DIP2C: variants seen among roughly 807,000 people sequenced by gnomAD.
DIP2C encodes disco-interacting protein 2 homolog C.
Under a neutral mutation model 192.4 loss-of-function variants are expected in DIP2C, and 33 were observed. The ratio of observed to expected loss-of-function variants is 0.17; its 90% CI spans 0.13 to 0.23. The LOEUF (loss-of-function observed/expected upper bound fraction) is 0.23. DIP2C is among the 10% of genes least tolerant of loss of function. DIP2C has a pLI of 1.00. For synonymous variants in DIP2C, 979 were observed against 864.1 expected, an observed-to-expected ratio of 1.13 and a Z score of -2.33; for missense variants, 1,537 against 2,110.1, an observed-to-expected ratio of 0.73 and a Z score of 5.32.
intron 1 of DIP2C, among the ~76,000 whole-genome samples, chr10:600,113 G>C (rs564390473): frequency 6.6e-6 from 1 of 152,264 alleles, no homozygotes; most frequent in African/African-American, 2.4e-5. Context: ...TGTATTTATG[G>C]GCACACAGAG....
chr10:494,092 A>G (rs1360840963), intron 1 of DIP2C, among the ~76,000 whole-genome samples: 1 of 152,254 alleles, frequency 6.6e-6, no homozygotes. Flanking sequence ...AGAGTGGTCT[A>G]TCCCGAGTGC....
At position 502,136 on chromosome 10, in the gene DIP2C, T is replaced by G. The variant is rs77028051; in HGVS notation, c.86-15606A>C. Among the ~76,000 whole-genome samples, 278 of 152,308 alleles carry G rather than the reference T, an allele frequency of 1.8e-3. 2 individuals are homozygous for G. The highest frequency in any genetic ancestry group is 3.1e-3 in the Non-Finnish European group (214 of 68,032). On this transcript the variant is annotated intron_variant, in intron 1 of 36. Coordinates refer to ENST00000280886, the MANE Select transcript of DIP2C (RefSeq NM_014974.3). ...ACTCCAGCATGGGTGATAGTGACCC[T>G]GTCTCAAAAACATTCAAATTCCCAC...
At chr10:570,710 TGA>T (rs1415069364) in intron 1 of DIP2C, among the ~76,000 whole-genome samples, 4 of 152,226 alleles carry the variant, frequency 2.6e-5, no homozygotes, top group South Asian at 2.1e-4. Context: ...TAAAGTCTGT[TGA>T]GAGGAGGAAG....
chr10:677,923 G>A (rs1003990243), intron 1 of DIP2C, among the ~76,000 whole-genome samples: 2 of 152,224 alleles, frequency 1.3e-5, no homozygotes, highest in Non-Finnish European at 2.9e-5. Context: ...ACCCGGCGTG[G>A]TCCAGTGCAT....
chr10:336,447 G>T (rs183749681), intron 29 of DIP2C, among the ~76,000 whole-genome samples: 2 of 152,182 alleles, frequency 1.3e-5, no homozygotes, highest in Non-Finnish European at 2.9e-5. Flanking sequence ...CTGTTTACAC[G>T]ATGAATCACA....
intron 1 of DIP2C, among the ~76,000 whole-genome samples, chr10:598,997 G>A (rs184103613): frequency 0.013 from 2,034 of 152,322 alleles, 20 homozygotes; most frequent in Admixed American, 0.021. Context: ...CGGCCCCCGG[G>A]CCCACCTCCC....
rs1957303400 is a variant in DIP2C, at chr10:327,057, C to T, written c.3873G>A (p.Arg1291=). 4 of 1,614,180 alleles carry T rather than the reference C, an allele frequency of 2.5e-6. No individual in the cohort carries two copies. The East Asian group carries it at 6.7e-5, about 27-fold the overall frequency. Residue 1291 remains arginine (R), a synonymous_variant, in exon 31 of 37, where the codon CGG becomes CGA. Transcript: ENST00000280886. ...KLFKDLGLHP[R]AVSTSFGCRV... ...TGCAACCGAACGAGGTGCTGACGGC[C>T]CGCGGGTGAAGGCCCAGGTCCTTAA...
At chr10:553,069 C>T (rs1444240092) in intron 1 of DIP2C, among the ~76,000 whole-genome samples, 2 of 152,238 alleles carry the variant, frequency 1.3e-5, no homozygotes, top group Non-Finnish European at 2.9e-5. Flanking sequence ...ACCTGGGATC[C>T]ATGTTTCACC....
intron 19 of DIP2C, chr10:365,121 G>A (rs1258049540): frequency 6.9e-6 from 3 of 433,116 alleles, no homozygotes; most frequent in African/African-American, 6.2e-5. Context: ...CGGAGATGGA[G>A]TTTTTATTTA....
At chr10:329,854 C>T (rs1014779896) in intron 29 of DIP2C, among the ~76,000 whole-genome samples, 3 of 152,204 alleles carry the variant, frequency 2.0e-5, no homozygotes, top group Non-Finnish European at 4.4e-5. Flanking sequence ...TTTAAGACTA[C>T]TAAACGCTGT....
intron 34 of DIP2C, 51 bp from the exon 35 acceptor site, chr10:283,497 G>A: frequency 6.3e-7 from 1 of 1,594,788 alleles, no homozygotes; most frequent in Non-Finnish European, 8.6e-7. Context: ...TATCTCCAGG[G>A]AAATGAGACT....
At chr10:460,667 C>T (rs1242371673) in intron 3 of DIP2C, among the ~76,000 whole-genome samples, 1 of 152,076 alleles carries the variant, frequency 6.6e-6, no homozygotes, top group Non-Finnish European at 1.5e-5. Context: ...CCCAACCAAC[C>T]AAGACAGGCC....
intron 1 of DIP2C, among the ~76,000 whole-genome samples, chr10:643,078 T>C (rs7074927): frequency 0.98 from 149,486 of 152,224 alleles, 73,454 homozygotes; most frequent in Middle Eastern, 1. Context: ...GTGGCACATG[T>C]CTGTAATCCC....
chr10:660,716 G>A (rs1320892768), intron 1 of DIP2C, among the ~76,000 whole-genome samples: 1 of 152,188 alleles, frequency 6.6e-6, no homozygotes, highest in South Asian at 2.1e-4. Context: ...AAGGTCATTA[G>A]ACTTTAGGCT....
intron 29 of DIP2C, among the ~76,000 whole-genome samples, chr10:339,695 A>G (rs1296178062): frequency 2.0e-5 from 3 of 152,228 alleles, no homozygotes; most frequent in Non-Finnish European, 4.4e-5. Flanking sequence ...CCAAGAAAAA[A>G]AAATTTACTC....
chr10:424,354 G>GTTTTTTTTTTTTTTTTTTTTTTTTT (rs1564695965), intron 4 of DIP2C, among the ~76,000 whole-genome samples: 1 of 121,030 alleles, frequency 8.3e-6, no homozygotes, highest in African/African-American at 3.4e-5. Context: ...TATCACCTTG[G>GTTTTTTTTTTTTTTTTTTTTTTTTT]GTTTTTTTTT....
At chr10:619,200 C>T (rs1356865638) in intron 1 of DIP2C, among the ~76,000 whole-genome samples, 2 of 152,216 alleles carry the variant, frequency 1.3e-5, no homozygotes, top group Admixed American at 6.5e-5. Flanking sequence ...GGACAAGTCA[C>T]ATTTCAATAC....
chr10:626,893 G>C (rs1466022467), intron 1 of DIP2C, among the ~76,000 whole-genome samples: 5 of 152,250 alleles, frequency 3.3e-5, no homozygotes, highest in African/African-American at 7.2e-5. Flanking sequence ...TAAATACCAA[G>C]AAGGGCCATT....
At chr10:315,813 T>C (rs751217131) in intron 31 of DIP2C, among the ~76,000 whole-genome samples, 2 of 152,186 alleles carry the variant, frequency 1.3e-5, no homozygotes, top group Non-Finnish European at 2.9e-5. Flanking sequence ...ACAGGTATGT[T>C]AGACCCACGG....
Sources: allele counts gnomAD v4.1 joint callset (sites outside exome capture counted in the v4.1 genomes callset), GRCh38; gene constraint gnomAD v4.1.1; transcripts MANE v1.5; gene names NCBI Gene and HGNC (gene_info 2026-07-23, HGNC 2026-07-21).